CEP290: variants seen among roughly 807,000 people sequenced by gnomAD.
CEP290 encodes centrosomal protein of 290 kDa.
A neutral mutation model predicts 344.9 loss-of-function variants in CEP290; 317 were observed. That is an observed-to-expected ratio of 0.92 (90% CI 0.84 to 1.01). CEP290 has a LOEUF of 1.01. Ranked by LOEUF, CEP290 falls within the 50% of genes least tolerant of loss-of-function variation. The pLI, the probability that CEP290 is intolerant of heterozygous loss-of-function variation, is 0.00. For missense variants in CEP290, 2,754 were observed against 2,761.4 expected, an observed-to-expected ratio of 1.00 and a Z score of 0.06; for synonymous variants, 932 against 895.8, an observed-to-expected ratio of 1.04 and a Z score of -0.72.
intron 19 of CEP290, among the ~76,000 whole-genome samples, 194 bp from the exon 20 acceptor site, chr12:88,114,756 G>A (rs558635676): frequency 2.6e-5 from 4 of 152,088 alleles, no homozygotes; most frequent in East Asian, 3.9e-4. Flanking sequence ...TTTATATCAC[G>A]TGCATATACA....
intron 45 of CEP290, among the ~76,000 whole-genome samples, chr12:88,063,488 T>G (rs975052354): frequency 6.6e-6 from 1 of 152,136 alleles, no homozygotes; most frequent in Non-Finnish European, 1.5e-5. Context: ...TTAGGACATC[T>G]GAACTTGCTA....
chr12:88,051,842 C>T (rs764564805), intron 52 of CEP290: 1 of 152,066 alleles, frequency 6.6e-6, no homozygotes, highest in African/African-American at 2.4e-5. Context: ...AGTGTACATA[C>T]CAAGCTGGCT....
At chr12:88,096,800 T>A (rs1214142126) in intron 27 of CEP290, 88 bp downstream of exon 27, 3 of 681,300 alleles carry the variant, frequency 4.4e-6, no homozygotes, top group Non-Finnish European at 7.2e-6. Context: ...ATACTTCCTT[T>A]TAATCTAGCA....
intron 38 of CEP290, among the ~76,000 whole-genome samples, chr12:88,079,615 G>T (rs1425072097): frequency 2.6e-5 from 4 of 151,940 alleles, no homozygotes; most frequent in Non-Finnish European, 5.9e-5. Flanking sequence ...ACTAGGAAAG[G>T]CTTAAAGTTT....
intron 19 of CEP290, among the ~76,000 whole-genome samples, 153 bp from the exon 20 acceptor site, chr12:88,114,715 A>G (rs2038933949): frequency 6.6e-6 from 1 of 152,104 alleles, no homozygotes; most frequent in South Asian, 2.1e-4. Context: ...TATAAATCCA[A>G]CGTGAATAGT....
At chr12:88,051,194 CTTT>C (rs11321423) in intron 52 of CEP290, among the ~76,000 whole-genome samples, 19 of 86,426 alleles carry the variant, frequency 2.2e-4, no homozygotes, top group Admixed American at 8.7e-4. Flanking sequence ...GGACAAGTAT[CTTT>C]TTTTTTTTTT....
In CEP290 at chr12:88,080,402, T is replaced by G. The variant is rs762217156; in HGVS notation, c.5013-7A>C. On this transcript the variant is annotated splice_polypyrimidine_tract_variant and splice_region_variant and intron_variant, in intron 37 of 53. Coordinates refer to ENST00000552810, the MANE Select transcript of CEP290 (RefSeq NM_025114.4). ...TTCATGGTTTTCTTGAAGCCTGATG[T>G]AAATAAACATATGTGTGTGTGTGTT... 71 of 1,592,454 alleles carry G rather than the reference T, an allele frequency of 4.5e-5. No individual in the cohort carries two copies. Among genetic ancestry groups the G allele is most frequent in the Non-Finnish European group, 5.8e-5 (68 of 1,162,762 alleles).
rs1235042176 is a variant in CEP290 at position 88,056,738 on chromosome 12, T to C, written c.6819-1021A>G. Among the ~76,000 whole-genome samples the C allele has an allele frequency of 3.3e-5, 5 of 152,288 alleles. No homozygotes were observed. The East Asian group carries it at 9.6e-4, about 29-fold the overall frequency. On this transcript the variant is annotated intron_variant, in intron 49 of 53. Coordinates refer to ENST00000552810, the MANE Select transcript of CEP290 (RefSeq NM_025114.4). ...CATAGAATACGTGTTACTAAGTTTGTTGAATAAATAATAAAGCAACTATAA... is the reference window on the plus strand; with the variant it reads ...CATAGAATACGTGTTACTAAGTTTGCTGAATAAATAATAAAGCAACTATAA...
chr12:88,119,134 T>C (rs372698046), intron 15 of CEP290, among the ~76,000 whole-genome samples: 3 of 152,162 alleles, frequency 2.0e-5, no homozygotes. Flanking sequence ...GAAGTCTAAT[T>C]TGGGGTCCTA....
In CEP290 at chr12:88,128,965, G is replaced by C; in HGVS notation, c.923C>G (p.Ala308Gly). The change falls in exon 11 of 54, where the codon GCA (alanine) becomes GGA (glycine). Residue 308 changes from alanine to glycine, a missense_variant. Physicochemically the swap from Ala to Gly is moderately conservative, Grantham distance 60. Coordinates refer to ENST00000552810, the MANE Select transcript of CEP290 (RefSeq NM_025114.4). The stretch of plus-strand genomic sequence containing the variant: ...AAATACCTTCCATTCTTCTACTTTT[G>C]CATTGACAGCTACCATAATTGGATC... The part of the protein sequence containing the change: ...EDDPIMVAVN[A>G]KVEEWKLILS... 1 of 1,526,650 alleles carries C rather than the reference G, an allele frequency of 6.6e-7. No individual in the cohort carries two copies. Among genetic ancestry groups the C allele is most frequent in the Non-Finnish European group, 8.7e-7 (1 of 1,147,338 alleles). 94.6% of individuals were successfully genotyped at this position (1,526,650 alleles called of 1,614,324 possible).
chr12:88,090,654 T>C (rs992040401), intron 30 of CEP290, 74 bp downstream of exon 30: 1 of 892,674 alleles, frequency 1.1e-6, no homozygotes, highest in African/African-American at 1.7e-5. Context: ...GTATAACATA[T>C]CCCACTCCCA....
chr12:88,136,234 A>C (rs1485127246), intron 6 of CEP290: 1 of 172,366 alleles, frequency 5.8e-6, no homozygotes, highest in Non-Finnish European at 1.2e-5. Flanking sequence ...ATATATCGAA[A>C]GATTCATTTG....
chr12:88,091,650 C>T (rs2037052676), intron 29 of CEP290, among the ~76,000 whole-genome samples: 1 of 151,730 alleles, frequency 6.6e-6, no homozygotes, highest in African/African-American at 2.4e-5. Flanking sequence ...CAAAAGAGGT[C>T]CATGAGAAGA....
At position 88,121,126 on chromosome 12, in the gene CEP290, C is replaced by T. The variant is rs2137920073; in HGVS notation, c.1230G>A (p.Gln410=). ...TLSQQTHMKI[Q]STLDILKEKT... ...TCTCTTTTAAAATGTCTAACGTTGA[C>T]TGAATTTTCATATGAGTCTGTTGAG... The change falls in exon 14 of 54, where the codon CAG becomes CAA. Residue 410 remains glutamine (Q), a synonymous_variant. Transcript: ENST00000552810. 8 of 1,613,294 alleles carry T rather than the reference C, an allele frequency of 5.0e-6. No homozygotes were observed. Among genetic ancestry groups the T allele is most frequent in the Non-Finnish European group, 6.8e-6 (8 of 1,179,630 alleles).
chr12:88,128,485 G>A (rs1235650583), intron 11 of CEP290, among the ~76,000 whole-genome samples: 1 of 152,144 alleles, frequency 6.6e-6, no homozygotes, highest in Non-Finnish European at 1.5e-5. Context: ...GAGTGGTGGT[G>A]AGGAAGAAAA....
At chr12:88,082,195 T>A (rs1434755525) in intron 37 of CEP290, among the ~76,000 whole-genome samples, 1 of 152,226 alleles carries the variant, frequency 6.6e-6, no homozygotes, top group East Asian at 1.9e-4. Context: ...AAACCTATTT[T>A]GAGTTTAAAA....
chr12:88,066,938 A>G (rs1468095181), intron 44 of CEP290, among the ~76,000 whole-genome samples: 1 of 152,182 alleles, frequency 6.6e-6, no homozygotes, highest in East Asian at 1.9e-4. Context: ...GCCTAACACA[A>G]TATAGACAGC....
At position 88,129,671 on chromosome 12, in the gene CEP290, G is replaced by A; in HGVS notation, c.852+23C>T. On this transcript the variant is annotated intron_variant, in intron 10 of 53. Coordinates refer to ENST00000552810, the MANE Select transcript of CEP290 (RefSeq NM_025114.4). ...GATAATATGAAGTCTGAATAAATAA[G>A]TTATTCTAAAAGTAATTCTTACTTG... 3.1e-6 allele frequency: 4 copies of A among 1,273,770 alleles called. No individual in the cohort carries two copies. The South Asian group carries it at 5.7e-5, about 18-fold the overall frequency. The allele number at this position is 1,273,770 out of a possible 1,614,324, so 78.9% of individuals were successfully genotyped here.
chr12:88,059,953 T>C lies in CEP290; in HGVS notation c.6590A>G (p.Lys2197Arg). The C allele has an allele frequency of 6.3e-7, 1 of 1,591,980 alleles. No individual in the cohort carries two copies. The highest frequency in any genetic ancestry group is 8.6e-7 in the Non-Finnish European group (1 of 1,168,806). Residue 2197 changes from lysine to arginine, a missense_variant, in exon 48 of 54, where the codon AAA becomes AGA. Coordinates refer to ENST00000552810, the MANE Select transcript of CEP290 (RefSeq NM_025114.4). ...TTCAGCAATAATTTTTTCTGTGCCT[T>C]TGGTCTTGGATTCATAGTGCATGCT... is the stretch of plus-strand genomic sequence containing the variant. ...QLSMHYESKT[K>R]GTEKIIAENE...
Sources: gnomAD v4.1 joint callset for allele counts (sites outside exome capture counted in the v4.1 genomes callset) on GRCh38, gnomAD v4.1.1 for gene constraint, MANE v1.5 for transcripts, NCBI Gene and HGNC (gene_info 2026-07-23, HGNC 2026-07-21) for gene names.